Variants in PRKACB observed in about 807,000 individuals in gnomAD.
PRKACB encodes protein kinase cAMP-activated catalytic subunit beta.
Under a neutral mutation model 51.4 loss-of-function variants are expected in PRKACB, and 16 were observed. The ratio of observed to expected loss-of-function variants is 0.31; its 90% CI spans 0.21 to 0.47. The LOEUF is 0.47. Ranked by LOEUF, PRKACB falls within the 20% of genes least tolerant of loss-of-function variation. The pLI is 1.00. For synonymous variants in PRKACB, 147 were observed against 154.4 expected (o/e 0.95, Z 0.35); for missense variants, 309 against 464.5 (o/e 0.67, Z 3.08).
intron 7 of PRKACB, among the ~76,000 whole-genome samples, chr1:84,200,672 G>A (rs534623789): frequency 1.3e-5 from 2 of 152,094 alleles, no homozygotes; most frequent in Non-Finnish European, 2.9e-5. Flanking sequence ...ATGGTATAAG[G>A]AAGGGATCTA....
At chr1:84,135,884 G>A (rs887622277) in intron 1 of PRKACB, among the ~76,000 whole-genome samples, 1 of 151,486 alleles carries the variant, frequency 6.6e-6, no homozygotes, top group Non-Finnish European at 1.5e-5. Context: ...TAAGCCCAAT[G>A]CAAGCAAAAG....
intron 9 of PRKACB, among the ~76,000 whole-genome samples, chr1:84,225,704 G>T (rs1377628469): frequency 2.0e-5 from 3 of 152,120 alleles, no homozygotes; most frequent in Non-Finnish European, 4.4e-5. Flanking sequence ...ACTTGTCTCA[G>T]AATTCACGAG....
chr1:84,204,605 G>A (rs981896407), intron 8 of PRKACB: 25 of 1,313,970 alleles, frequency 1.9e-5, no homozygotes, highest in Non-Finnish European at 2.5e-5. Flanking sequence ...AGAATGATGA[G>A]AGAACCAAAA....
chr1:84,116,631 G>C (rs908255258), intron 1 of PRKACB, among the ~76,000 whole-genome samples: 2 of 151,962 alleles, frequency 1.3e-5, no homozygotes, highest in African/African-American at 4.8e-5. Context: ...ATCATTATTG[G>C]TGTATAGAAA....
intron 1 of PRKACB, among the ~76,000 whole-genome samples, chr1:84,128,007 C>CTTTTTTTTTT (rs10537848): frequency 3.9e-3 from 413 of 105,242 alleles, no homozygotes; most frequent in Middle Eastern, 5.8e-3. Flanking sequence ...CTTTTTTTTT[C>CTTTTTTTTTT]TTTTTTTTTT....
Position 84,235,836 on chromosome 1 carries a change from A to G in PRKACB, c.*531A>G, listed in dbSNP as rs1406345106. ...AGATAGACTGTCTTATCACCAAGGA[A>G]ATTTATACAAATTAAGACTAACTTT... is the stretch of plus-strand genomic sequence containing the variant. On this transcript the variant is annotated 3_prime_UTR_variant, in exon 10 of 10. Transcript: ENST00000370685. 6.5e-6 allele frequency: 1 copy of G among 152,944 alleles called. No individual in the cohort carries two copies. The highest frequency in any genetic ancestry group is 1.5e-5 in the Non-Finnish European group (1 of 68,274). The allele number at this position is 152,944 out of a possible 1,614,324, so 9.5% of individuals were successfully genotyped here.
At chr1:84,141,697 T>C (rs1167683088), upstream of PRKACB, among the ~76,000 whole-genome samples, 2 of 152,278 alleles carry the variant, frequency 1.3e-5, no homozygotes, top group South Asian at 2.1e-4. Flanking sequence ...ACTTCTGTAC[T>C]TGAGCAACAT....
At chr1:84,148,622 AT>A (rs1194030550) in intron 1 of PRKACB, among the ~76,000 whole-genome samples, 2 of 152,136 alleles carry the variant, frequency 1.3e-5, no homozygotes, top group East Asian at 3.9e-4. Context: ...TTTGCAATTT[AT>A]TTTAAAAGCC....
At chr1:84,158,917 G>T (rs1466733760) in intron 1 of PRKACB, among the ~76,000 whole-genome samples, 1 of 151,752 alleles carries the variant, frequency 6.6e-6, no homozygotes, top group Non-Finnish European at 1.5e-5. Context: ...AATTATCTTG[G>T]CATCTTTCTC....
chr1:84,179,034 G>A, intron 1 of PRKACB, 143 bp from the exon 2 acceptor site: 2 of 964,346 alleles, frequency 2.1e-6, no homozygotes, highest in Non-Finnish European at 1.5e-6. Context: ...GCTCTTTAAT[G>A]TATCATGGTG....
At chr1:84,119,200 C>A (rs972516928) in intron 1 of PRKACB, among the ~76,000 whole-genome samples, 2 of 152,076 alleles carry the variant, frequency 1.3e-5, no homozygotes, top group East Asian at 1.9e-4. Context: ...GACTGAAATA[C>A]TTCTGAGAAA....
chr1:84,123,849 A>C (rs1651307106), intron 1 of PRKACB, among the ~76,000 whole-genome samples: 1 of 152,206 alleles, frequency 6.6e-6, no homozygotes, highest in Non-Finnish European at 1.5e-5. Flanking sequence ...TATGTTACAT[A>C]GTCTAATATA....
At chr1:84,221,258 T>A (rs1673664090) in intron 9 of PRKACB, among the ~76,000 whole-genome samples, 1 of 12,790 alleles carries the variant, frequency 7.8e-5, no homozygotes, top group South Asian at 0.25. Context: ...TAGTCTCCAG[T>A]GATCTCCTGT....
intron 1 of PRKACB, among the ~76,000 whole-genome samples, chr1:84,147,782 T>G (rs2812449): frequency 0.98 from 149,253 of 152,138 alleles, 73,286 homozygotes; most frequent in East Asian, 1. Flanking sequence ...ACACAAGTAT[T>G]TGAAAATATG....
At position 84,235,369 on chromosome 1, in the gene PRKACB, A is replaced by G; in HGVS notation, c.*64A>G. On this transcript the variant is annotated 3_prime_UTR_variant, in exon 10 of 10. Coordinates refer to ENST00000370685, the MANE Select transcript of PRKACB (RefSeq NM_182948.4). ...TGCACTCTGTTGAGAGATAAGGTAG[A>G]GCTGAGACCGTCCTTGTTGAAGCAG... 6.3e-7 allele frequency: 1 copy of G among 1,596,042 alleles called. No individual in the cohort carries two copies. The highest frequency in any genetic ancestry group is 2.2e-5 in the East Asian group (1 of 44,682).
chr1:84,086,249 C>A, intron 1 of PRKACB: 1 of 1,535,824 alleles, frequency 6.5e-7, no homozygotes, highest in Non-Finnish European at 9.0e-7. Context: ...AAGGACAAGT[C>A]CTGGTTCCCT....
chr1:84,106,568 A>G (rs553065040), intron 1 of PRKACB, among the ~76,000 whole-genome samples: 2 of 152,328 alleles, frequency 1.3e-5, no homozygotes, highest in South Asian at 4.1e-4. Context: ...GAGCTCTACA[A>G]TGAAAATTAC....
chr1:84,205,290 A>C, intron 8 of PRKACB: 1 of 976,768 alleles, frequency 1.0e-6, no homozygotes, highest in Middle Eastern at 5.3e-4. Context: ...TCTGTTTCAA[A>C]ACTCAAATTC....
intron 1 of PRKACB, among the ~76,000 whole-genome samples, chr1:84,124,608 G>A (rs976063308): frequency 1.2e-4 from 19 of 152,190 alleles, no homozygotes; most frequent in Non-Finnish European, 2.5e-4. Flanking sequence ...TGTGGAGTCA[G>A]GCAACTACAC....
Sources: allele counts gnomAD v4.1 joint callset (sites outside exome capture counted in the v4.1 genomes callset), GRCh38; gene constraint gnomAD v4.1.1; transcripts MANE v1.5; gene names NCBI Gene and HGNC (gene_info 2026-07-23, HGNC 2026-07-21).